The following DYNC2H1 variants were observed in gnomAD, a reference collection of about 807,000 sequenced individuals.
The protein encoded by DYNC2H1 is dynein cytoplasmic 2 heavy chain 1.
A neutral mutation model predicts 570.0 loss-of-function variants in DYNC2H1; 410 were observed. The ratio of observed to expected loss-of-function variants is 0.72; its 90% CI spans 0.66 to 0.78. The LOEUF (loss-of-function observed/expected upper bound fraction) is 0.78, where lower values mean the gene tolerates loss of function less well. DYNC2H1 is among the 30% of genes least tolerant of loss of function. DYNC2H1 has a pLI of 0.00. For missense variants in DYNC2H1, 4,865 were observed against 5,046.4 expected, an observed-to-expected ratio of 0.96 and a Z score of 1.09; for synonymous variants, 1,688 against 1,677.6, an observed-to-expected ratio of 1.01 and a Z score of -0.15.
intron 82 of DYNC2H1, among the ~76,000 whole-genome samples, chr11:103,337,635 G>T (rs1242917591): frequency 1.3e-5 from 2 of 152,142 alleles, no homozygotes; most frequent in Non-Finnish European, 2.9e-5. Flanking sequence ...GATGAGTAGT[G>T]ATGTTGAGGA....
At chr11:103,221,757 G>T (rs1221429319) in intron 57 of DYNC2H1, among the ~76,000 whole-genome samples, 1 of 152,150 alleles carries the variant, frequency 6.6e-6, no homozygotes, top group Non-Finnish European at 1.5e-5. Context: ...TTGGGAGGCT[G>T]AGCTGGGAGG....
Position 103,321,254 on chromosome 11 carries a change from A to AT in DYNC2H1, c.11934+21dup. On this transcript the variant is annotated intron_variant, in intron 81 of 88. Transcript: ENST00000375735. ...AGCATTTTGGTAGGTAAAATGAATGATTTTCAATCTATTTCCAGGTAGATA... is the reference window on the plus strand; with the variant it reads ...AGCATTTTGGTAGGTAAAATGAATGATTTTTCAATCTATTTCCAGGTAGATA... 1 of 1,583,762 alleles carries AT rather than the reference A, an allele frequency of 6.3e-7. No individual in the cohort carries two copies. The highest frequency in any genetic ancestry group is 1.1e-5 in the South Asian group (1 of 87,848).
chr11:103,367,563 T>C (rs1032347792), intron 83 of DYNC2H1, among the ~76,000 whole-genome samples: 2 of 152,142 alleles, frequency 1.3e-5, no homozygotes. Flanking sequence ...AGCGTATCCA[T>C]CAACTAATGC....
At chr11:103,191,025 TA>T (rs1862285742) in intron 45 of DYNC2H1, among the ~76,000 whole-genome samples, 13 of 132,858 alleles carry the variant, frequency 9.8e-5, no homozygotes, top group Admixed American at 8.9e-4. Context: ...TGTATATATA[TA>T]TATTTTTTTT....
In DYNC2H1 at chr11:103,210,695, A is replaced by G. The variant is rs534319772; in HGVS notation, c.8539+735A>G. 2.6e-5 allele frequency among the ~76,000 whole-genome samples: 4 copies of G among 152,204 alleles called. No individual in the cohort carries two copies. The South Asian group carries it at 8.3e-4, about 31-fold the overall frequency. ...CATTGCCCAGACGGGCAGCTTGAGA[A>G]AGTCATTCTGGTTAGAGTGAGTAAC... On this transcript the variant is annotated intron_variant, in intron 53 of 88. Transcript: ENST00000375735.
At chr11:103,373,318 A>G (rs1941253153) in intron 83 of DYNC2H1, among the ~76,000 whole-genome samples, 1 of 152,118 alleles carries the variant, frequency 6.6e-6, no homozygotes. Flanking sequence ...GTGTGTTGGC[A>G]TATAGTTGCT....
chr11:103,381,421 T>G (rs1013593780), intron 83 of DYNC2H1, among the ~76,000 whole-genome samples: 1 of 151,832 alleles, frequency 6.6e-6, no homozygotes, highest in African/African-American at 2.4e-5. Context: ...ATTGCCATAT[T>G]CAATATCTTT....
rs953218244 is a variant in DYNC2H1, at chr11:103,280,570, G to C, written c.10761+157G>C. On this transcript the variant is annotated intron_variant, in intron 71 of 88. Transcript: ENST00000375735. This position sits in a 1 kb window ranked among gnomAD's most constrained non-coding sequence, Gnocchi z 4.7. ...ATGTAGTATAAAATGGTGATTCCTA[G>C]TTCTACTTCCCTGTGGATGAGCCTA... Among the ~76,000 whole-genome samples, 5 of 152,146 alleles carry C rather than the reference G, an allele frequency of 3.3e-5. No homozygotes were observed. The highest frequency in any genetic ancestry group is 1.2e-4 in the African/African-American group (5 of 41,446).
chr11:103,262,204 A>G (rs1865324767), intron 70 of DYNC2H1, among the ~76,000 whole-genome samples: 1 of 152,224 alleles, frequency 6.6e-6, no homozygotes, highest in Non-Finnish European at 1.5e-5. Context: ...GACTATGTGA[A>G]AAGACTAAAT....
chr11:103,389,337 C>T (rs529755350), intron 83 of DYNC2H1, among the ~76,000 whole-genome samples: 34 of 152,228 alleles, frequency 2.2e-4, no homozygotes, highest in African/African-American at 3.4e-4. Context: ...TCTGTGGGAT[C>T]GGTGGTGATA....
intron 84 of DYNC2H1, among the ~76,000 whole-genome samples, chr11:103,416,995 A>G (rs1943307539): frequency 6.6e-6 from 1 of 152,334 alleles, no homozygotes; most frequent in African/African-American, 2.4e-5. Context: ...TCAAAAGAAG[A>G]CCTTTATGTG....
chr11:103,139,758 C>T (rs1387799270), intron 17 of DYNC2H1, among the ~76,000 whole-genome samples: 3 of 151,922 alleles, frequency 2.0e-5, no homozygotes, highest in East Asian at 1.9e-4. Flanking sequence ...GAGTTCAATT[C>T]CTGGGTATCC....
chr11:103,197,755 T>C (rs774296225), intron 47 of DYNC2H1, among the ~76,000 whole-genome samples, 178 bp from the exon 48 acceptor site: 3 of 152,192 alleles, frequency 2.0e-5, no homozygotes, highest in Non-Finnish European at 4.4e-5. Flanking sequence ...GCTCAGTCAT[T>C]GTATTTCACC....
At position 103,409,837 on chromosome 11, in the gene DYNC2H1, T is replaced by G. The variant is rs982801037; in HGVS notation, c.12366+9965T>G. On this transcript the variant is annotated intron_variant, in intron 84 of 88. Transcript: ENST00000375735. ...GGGTCTCTGTGTAAAGTTAGTTATT[T>G]CTAGTTAATACATTATGCAGAAGGT... Among the ~76,000 whole-genome samples the G allele has an allele frequency of 6.0e-5, 9 of 150,494 alleles. No homozygotes were observed. In the East Asian group the frequency reaches 1.4e-3, roughly 23 times the overall value.
intron 40 of DYNC2H1, among the ~76,000 whole-genome samples, chr11:103,184,605 C>T (rs1316724521): frequency 6.6e-6 from 1 of 151,884 alleles, no homozygotes; most frequent in African/African-American, 2.4e-5. Flanking sequence ...ACAATGCTCC[C>T]TAACTTACCT....
At chr11:103,188,397 A>T (rs542130460) in intron 43 of DYNC2H1, 100 bp from the exon 44 acceptor site, 4 of 850,490 alleles carry the variant, frequency 4.7e-6, no homozygotes, top group Admixed American at 5.3e-5. Context: ...ATAGATGATG[A>T]TTGCATTTAG....
At chr11:103,383,465 C>T (rs936996976) in intron 83 of DYNC2H1, among the ~76,000 whole-genome samples, 1 of 101,576 alleles carries the variant, frequency 9.8e-6, no homozygotes, top group Non-Finnish European at 2.0e-5. Flanking sequence ...ATTCTTTCTC[C>T]TTTTAAATCT....
chr11:103,386,272 A>G (rs1241843779), intron 83 of DYNC2H1, among the ~76,000 whole-genome samples: 2 of 152,166 alleles, frequency 1.3e-5, no homozygotes, highest in East Asian at 3.8e-4. Flanking sequence ...CTTTGTTTGT[A>G]GACTTCCTTT....
In DYNC2H1 at chr11:103,116,665, A is replaced by G; in HGVS notation, c.717A>G (p.Glu239=). Residue 239 remains glutamate (E), a synonymous_variant, in exon 5 of 89, where the codon GAA becomes GAG. Coordinates refer to ENST00000375735, the MANE Select transcript of DYNC2H1 (RefSeq NM_001377.3). The stretch of plus-strand genomic sequence containing the variant: ...TAGATGATGTGTGGAGACAAACAGA[A>G]CATGATCATTATCCTGAGTCACGAA... ...DVVDDVWRQT[E]HDHYPESRML... is the part of the protein sequence containing the mutation. The G allele has an allele frequency of 6.2e-7, 1 of 1,608,850 alleles. No individual in the cohort carries two copies. Among genetic ancestry groups the G allele is most frequent in the Non-Finnish European group, 8.5e-7 (1 of 1,177,008 alleles).
Sources: gnomAD v4.1 joint callset for allele counts (sites outside exome capture counted in the v4.1 genomes callset) on GRCh38, gnomAD v4.1.1 for gene constraint, Gnocchi (gnomAD v3.1) non-coding constraint, MANE v1.5 for transcripts, NCBI Gene and HGNC (gene_info 2026-07-23, HGNC 2026-07-21) for gene names.